Variants in CD226 observed in about 807,000 individuals in gnomAD.
CD226 encodes CD226 molecule, also known as CD226 antigen.
Under a neutral mutation model 34.9 loss-of-function variants are expected in CD226, and 24 were observed. That is an observed-to-expected ratio of 0.69 (90% CI 0.50 to 0.97). The LOEUF (loss-of-function observed/expected upper bound fraction) is 0.97. Ranked by LOEUF, CD226 falls within the 50% of genes least tolerant of loss-of-function variation. The probability of loss-of-function intolerance (pLI) is 0.00; values close to 1 mark genes in which losing one functional copy is unlikely to be tolerated. For synonymous variants in CD226, 148 were observed against 147.4 expected (o/e 1.00, Z -0.03); for missense variants, 397 against 412.7 (o/e 0.96, Z 0.33).
intron 2 of CD226, chr18:69,944,483 C>T (rs1599030943): frequency 6.6e-6 from 1 of 152,320 alleles, no homozygotes; most frequent in African/African-American, 2.4e-5. Flanking sequence ...AAAAATCCTA[C>T]CTTTGCATAA....
intron 5 of CD226, among the ~76,000 whole-genome samples, chr18:69,866,018 GA>G (rs35722628): frequency 0.7 from 105,044 of 150,878 alleles, 38,413 homozygotes; most frequent in East Asian, 0.87. Context: ...CCTAACTTGA[GA>G]AAAAAAAAAG....
At chr18:69,926,527 A>G (rs931083815) in intron 2 of CD226, among the ~76,000 whole-genome samples, 6 of 152,172 alleles carry the variant, frequency 3.9e-5, no homozygotes, top group African/African-American at 1.4e-4. Flanking sequence ...AGGAGCTATA[A>G]TATCTCATTC....
chr18:69,892,615 C>G (rs763049146), intron 3 of CD226, among the ~76,000 whole-genome samples: 20 of 152,180 alleles, frequency 1.3e-4, no homozygotes, highest in Admixed American at 7.2e-4. Context: ...CTTGCTTCTG[C>G]CATTTTCTCC....
At chr18:69,940,285 T>A (rs1331129009) in intron 2 of CD226, among the ~76,000 whole-genome samples, 1 of 152,186 alleles carries the variant, frequency 6.6e-6, no homozygotes, top group Non-Finnish European at 1.5e-5. Flanking sequence ...ATGTCTTTAT[T>A]AGCAGCATGA....
chr18:69,896,432 C>T (rs1307441974), intron 2 of CD226, among the ~76,000 whole-genome samples: 2 of 152,198 alleles, frequency 1.3e-5, no homozygotes, highest in Admixed American at 6.5e-5. Context: ...CCGCCCACCT[C>T]GGCCTCCCAA....
chr18:69,955,589 C>T (rs935122865), intron 1 of CD226, among the ~76,000 whole-genome samples: 1 of 152,072 alleles, frequency 6.6e-6, no homozygotes, highest in Non-Finnish European at 1.5e-5. Context: ...CACAGGAGGC[C>T]GGGTGCGGTG....
intron 3 of CD226, among the ~76,000 whole-genome samples, chr18:69,875,669 T>C (rs1405078507): frequency 1.3e-5 from 2 of 152,226 alleles, no homozygotes; most frequent in East Asian, 3.8e-4. Flanking sequence ...CATATACCTA[T>C]TGGCCAGTGT....
intron 1 of CD226, 81 bp downstream of exon 1, chr18:69,947,280 C>A: frequency 1.0e-6 from 1 of 989,836 alleles, no homozygotes; most frequent in Non-Finnish European, 1.5e-6. Context: ...CTAAAGAGCA[C>A]TGTAAATTCT....
In CD226 at chr18:69,878,916, G is replaced by A. The variant is rs141398931; in HGVS notation, c.728-5670C>T. On this transcript the variant is annotated intron_variant, in intron 3 of 5. Transcript: ENST00000582621. ...TTCTATTTTCCCTAAGTGTTGGCCA[G>A]TCTGAGAAATAAAGGGAAAGAGTAC... Among the ~76,000 whole-genome samples the A allele has an allele frequency of 6.2e-3, 942 of 152,250 alleles. 33 individuals are homozygous for A. The East Asian group carries it at 0.093, about 15-fold the overall frequency.
intron 1 of CD226, 38 bp from the exon 2 acceptor site, chr18:69,947,107 T>C: frequency 6.7e-7 from 1 of 1,502,618 alleles, no homozygotes; most frequent in East Asian, 2.3e-5. Flanking sequence ...TTAGCCTTGA[T>C]GATGGAAACA....
intron 3 of CD226, among the ~76,000 whole-genome samples, chr18:69,880,630 G>A (rs767772792): frequency 4.3e-4 from 65 of 150,760 alleles, no homozygotes; most frequent in Non-Finnish European, 6.9e-4. Flanking sequence ...TCAGATACAC[G>A]AGGGGAATAA....
In CD226 at chr18:69,861,690, T is replaced by C. The variant is rs531408560; in HGVS notation, c.*2624A>G. The C allele has an allele frequency of 6.6e-6, 1 of 151,802 alleles. No individual in the cohort carries two copies. Among genetic ancestry groups the C allele is most frequent in the South Asian group, 2.1e-4 (1 of 4,808 alleles). 9.4% of individuals were successfully genotyped at this position (151,802 alleles called of 1,614,324 possible). ...TTCTGTGGATCTGTTTTTCATCTGC[T>C]TTCTTAGTAACAATCAGAATCATAG... On this transcript the variant is annotated 3_prime_UTR_variant, in exon 6 of 6. Transcript: ENST00000582621.
At chr18:69,909,333 A>T (rs1480330718) in intron 2 of CD226, among the ~76,000 whole-genome samples, 1 of 152,124 alleles carries the variant, frequency 6.6e-6, no homozygotes, top group African/African-American at 2.4e-5. Flanking sequence ...TTGGGTCTCC[A>T]TTCCCACTTC....
chr18:69,947,568 A>C lies in CD226; in HGVS notation c.-162T>G. On this transcript the variant is annotated 5_prime_UTR_variant, in exon 1 of 6. Transcript: ENST00000582621. Reference sequence around the variant, plus strand: ...AACACAGGAAAAAGGCCTTAGCTTAAAAGACAGGTTTGCTCCTTTATGAGG... The same window carrying C: ...AACACAGGAAAAAGGCCTTAGCTTACAAGACAGGTTTGCTCCTTTATGAGG... 2 of 458,744 alleles carry C rather than the reference A, an allele frequency of 4.4e-6. No homozygotes were observed. The highest frequency in any genetic ancestry group is 8.4e-5 in the Admixed American group (2 of 23,684). 28.4% of individuals were successfully genotyped at this position (458,744 alleles called of 1,614,324 possible).
rs1162333457 is a variant in CD226 at position 69,896,033 on chromosome 18, G to C, written c.395C>G (p.Ala132Gly). The change falls in exon 3 of 6, where the codon GCA becomes GGA. Residue 132 changes from alanine (A) to glycine (G), a missense_variant. Coordinates refer to ENST00000582621, the MANE Select transcript of CD226 (RefSeq NM_001303618.2). The part of the protein sequence containing the change: ...IQVVQSDSFE[A>G]AVPSNSHIVS... ...AATGTGGCTATTTGATGGCACAGCT[G>C]CCTCAAAACTATCTGAAAAGAAGAA... The C allele has an allele frequency of 2.5e-6, 4 of 1,605,718 alleles. No homozygotes were observed. In the African/African-American group the frequency reaches 4.0e-5, roughly 16 times the overall value.
At chr18:69,876,913 G>GA (rs1407613135) in intron 3 of CD226, among the ~76,000 whole-genome samples, 1 of 134,226 alleles carries the variant, frequency 7.5e-6, no homozygotes, top group Non-Finnish European at 1.5e-5. Context: ...ACCCAGGCTG[G>GA]AGTACAATGG....
intron 3 of CD226, among the ~76,000 whole-genome samples, chr18:69,883,297 C>A (rs1984371048): frequency 1.3e-5 from 2 of 151,862 alleles, no homozygotes; most frequent in African/African-American, 2.4e-5. Context: ...ATAAAAAAAA[C>A]CTAGAAAAAT....
Position 69,895,718 on chromosome 18 carries a change from C to G in CD226, c.710G>C (p.Arg237Thr). ...TCACTCACCCTCGGCTACAGTCAAT[C>G]TCATCACGAAGGTTTCGTTTTCTCC... ...SAGENETFVM[R>T]LTVAEGKTDN... Residue 237 changes from arginine (R) to threonine (T), a missense_variant, in exon 3 of 6, where the codon AGA (arginine) becomes ACA (threonine). By Grantham distance (71) the Arg-to-Thr change is moderately conservative. Coordinates refer to ENST00000582621, the MANE Select transcript of CD226 (RefSeq NM_001303618.2). The G allele has an allele frequency of 1.2e-6, 2 of 1,612,762 alleles. No homozygotes were observed. Among genetic ancestry groups the G allele is most frequent in the Non-Finnish European group, 1.7e-6 (2 of 1,178,792 alleles).
At chr18:69,927,775 A>G (rs1417249852) in intron 2 of CD226, among the ~76,000 whole-genome samples, 1 of 152,236 alleles carries the variant, frequency 6.6e-6, no homozygotes, top group African/African-American at 2.4e-5. Context: ...TACATTTTAT[A>G]TACATATACG....
Sources: gnomAD v4.1 joint callset for allele counts (sites outside exome capture counted in the v4.1 genomes callset) on GRCh38, gnomAD v4.1.1 for gene constraint, MANE v1.5 for transcripts, NCBI Gene and HGNC (gene_info 2026-07-23, HGNC 2026-07-21) for gene names.